The following DSCAM variants were observed in gnomAD, a reference collection of about 807,000 sequenced individuals.
The protein encoded by DSCAM is cell adhesion molecule DSCAM.
A neutral mutation model predicts 217.7 loss-of-function variants in DSCAM; 47 were observed. That is an observed-to-expected ratio of 0.22 (90% confidence interval 0.17 to 0.28). The LOEUF is 0.28. DSCAM is among the 10% of genes least tolerant of loss of function. DSCAM has a pLI of 1.00. For missense variants in DSCAM, 2,080 were observed against 2,618.3 expected (o/e 0.79, Z 4.49); for synonymous variants, 1,056 against 1,015.3 (o/e 1.04, Z -0.76).
At chr21:40,502,692 T>C (rs1056516317) in intron 3 of DSCAM, among the ~76,000 whole-genome samples, 1 of 152,136 alleles carries the variant, frequency 6.6e-6, no homozygotes. Context: ...TGTCATGACA[T>C]TGGACTCACC....
intron 16 of DSCAM, among the ~76,000 whole-genome samples, chr21:40,166,058 G>A (rs970276279): frequency 2.0e-5 from 3 of 152,120 alleles, no homozygotes; most frequent in Non-Finnish European, 2.9e-5. Flanking sequence ...AAAGGGGCTC[G>A]CTGCATTAAC....
chr21:40,753,500 T>C lies in DSCAM; in HGVS notation c.44-44729A>G, dbSNP rs559939278. Among the ~76,000 whole-genome samples, 14 of 152,324 alleles carry C rather than the reference T, an allele frequency of 9.2e-5. No homozygotes were observed. The South Asian group carries it at 1.4e-3, about 16-fold the overall frequency. ...TTATACAAAGTGTCAATAGATAAAA[T>C]GGACACACCTTTAGATGTATATTAT... On this transcript the variant is annotated intron_variant, in intron 1 of 32. Coordinates refer to ENST00000400454, the MANE Select transcript of DSCAM (RefSeq NM_001389.5).
chr21:40,758,516 CAAAAAAAAA>C (rs3071030), intron 1 of DSCAM, among the ~76,000 whole-genome samples: 1 of 103,046 alleles, frequency 9.7e-6, no homozygotes, highest in South Asian at 3.6e-4. Flanking sequence ...GACTCTGTCT[CAAAAAAAAA>C]AAAAAAAAGA....
At chr21:40,418,086 G>T (rs879352959) in intron 3 of DSCAM, among the ~76,000 whole-genome samples, 4 of 152,170 alleles carry the variant, frequency 2.6e-5, no homozygotes, top group Non-Finnish European at 4.4e-5. Flanking sequence ...TACGATAGGG[G>T]ATTAGAGGGG....
intron 2 of DSCAM, among the ~76,000 whole-genome samples, chr21:40,702,022 G>C (rs371093680): frequency 7.2e-5 from 11 of 152,200 alleles, no homozygotes; most frequent in African/African-American, 2.6e-4. Context: ...ATTGAACTAG[G>C]AGTATTGAAA....
At chr21:40,689,118 T>A (rs1340712842) in intron 3 of DSCAM, among the ~76,000 whole-genome samples, 1 of 152,220 alleles carries the variant, frequency 6.6e-6, no homozygotes, top group African/African-American at 2.4e-5. Context: ...CTCATTTGTT[T>A]TCTTAACCAA....
intron 3 of DSCAM, among the ~76,000 whole-genome samples, chr21:40,583,417 G>A (rs376906661): frequency 1.2e-3 from 183 of 152,146 alleles, no homozygotes; most frequent in Non-Finnish European, 1.9e-3. Context: ...CCACAGACAC[G>A]AATATGCTTC....
At chr21:40,808,272 G>A (rs1408071244) in intron 1 of DSCAM, among the ~76,000 whole-genome samples, 3 of 151,996 alleles carry the variant, frequency 2.0e-5, no homozygotes, top group Non-Finnish European at 4.4e-5. Context: ...AGACCAAGAG[G>A]CCCAAAAATG....
intron 6 of DSCAM, among the ~76,000 whole-genome samples, chr21:40,346,209 C>T (rs1403266012): frequency 6.6e-6 from 1 of 152,206 alleles, no homozygotes; most frequent in African/African-American, 2.4e-5. Context: ...AAATTGATTA[C>T]TTTCTGCACT....
intron 3 of DSCAM, among the ~76,000 whole-genome samples, chr21:40,534,133 T>C (rs2076476623): frequency 6.6e-6 from 1 of 152,204 alleles, no homozygotes; most frequent in Non-Finnish European, 1.5e-5. Flanking sequence ...ATATGTTTTT[T>C]ATTCATTGAA....
intron 6 of DSCAM, among the ~76,000 whole-genome samples, chr21:40,345,588 C>T (rs2074548871): frequency 6.6e-6 from 1 of 152,068 alleles, no homozygotes; most frequent in African/African-American, 2.4e-5. Flanking sequence ...CATTTTATAG[C>T]CTCATAGGAA....
intron 11 of DSCAM, among the ~76,000 whole-genome samples, chr21:40,210,322 C>T (rs1283220440): frequency 6.6e-6 from 1 of 152,196 alleles, no homozygotes; most frequent in Non-Finnish European, 1.5e-5. Context: ...TATATATTCA[C>T]ATTTATTGCA....
rs566107481 is a variant in DSCAM at position 40,412,628 on chromosome 21, T to G, written c.509-43383A>C. On this transcript the variant is annotated intron_variant, in intron 3 of 32. Transcript: ENST00000400454. ...TTTCTAAGCAGCAAAGCATTCAAGATGTGACTAGGGTGCTGTTAAAGGCAT... is the reference window on the plus strand; with the variant it reads ...TTTCTAAGCAGCAAAGCATTCAAGAGGTGACTAGGGTGCTGTTAAAGGCAT... Among the ~76,000 whole-genome samples, 245 of 152,334 alleles carry G rather than the reference T, an allele frequency of 1.6e-3. 2 individuals carry two copies. Among genetic ancestry groups the G allele is most frequent in the African/African-American group, 4.7e-3 (196 of 41,584 alleles).
intron 1 of DSCAM, among the ~76,000 whole-genome samples, chr21:40,741,297 C>T (rs1005810119): frequency 1.1e-4 from 16 of 152,138 alleles, no homozygotes; most frequent in African/African-American, 3.6e-4. Flanking sequence ...AGAAGGGATA[C>T]AATTATATAT....
chr21:40,478,107 T>A (rs1462736552), intron 3 of DSCAM, among the ~76,000 whole-genome samples: 1 of 152,232 alleles, frequency 6.6e-6, no homozygotes, highest in African/African-American at 2.4e-5. Context: ...CCACACAGAA[T>A]ATATTCTCTT....
At chr21:40,555,257 AG>A (rs1334365946) in intron 3 of DSCAM, among the ~76,000 whole-genome samples, 1 of 152,202 alleles carries the variant, frequency 6.6e-6, no homozygotes, top group Admixed American at 6.5e-5. Context: ...AACACAGGGA[AG>A]AAAAAAGCAC....
At chr21:40,632,774 C>A (rs926687371) in intron 3 of DSCAM, among the ~76,000 whole-genome samples, 20 of 152,176 alleles carry the variant, frequency 1.3e-4, no homozygotes, top group Non-Finnish European at 2.4e-4. Context: ...AAGACCACTA[C>A]ACTTAACTGT....
chr21:40,018,672 A>G (rs2088208435), intron 32 of DSCAM, among the ~76,000 whole-genome samples: 1 of 148,480 alleles, frequency 6.7e-6, no homozygotes, highest in Non-Finnish European at 1.5e-5. Context: ...GTTTGAAATC[A>G]AAAGATAGGA....
chr21:40,431,929 G>T (rs2075536753), intron 3 of DSCAM, among the ~76,000 whole-genome samples: 1 of 152,196 alleles, frequency 6.6e-6, no homozygotes, highest in Non-Finnish European at 1.5e-5. Flanking sequence ...GCCAGGTGTG[G>T]TGGCTTATGC....
Sources: gnomAD v4.1 joint callset for allele counts (sites outside exome capture counted in the v4.1 genomes callset) on GRCh38, gnomAD v4.1.1 for gene constraint, MANE v1.5 for transcripts, NCBI Gene and HGNC (gene_info 2026-07-23, HGNC 2026-07-21) for gene names.